NIF3L1: variants seen among roughly 807,000 people sequenced by gnomAD.
The protein encoded by NIF3L1 is NGG1 interacting factor 3 like 1.
NIF3L1 carries 26 observed loss-of-function variants against 35.0 expected under a neutral mutation model. That is an observed-to-expected ratio of 0.74 (90% CI 0.54 to 1.03). NIF3L1 has a LOEUF of 1.03. Ranked by LOEUF, NIF3L1 falls within the 50% of genes least tolerant of loss-of-function variation. The pLI is 0.00. For missense variants in NIF3L1, 449 were observed against 466.3 expected (o/e 0.96, Z 0.34); for synonymous variants, 157 against 178.9 (o/e 0.88, Z 0.98).
chr2:200,896,188 G>C (rs1360257085), intron 4 of NIF3L1, among the ~76,000 whole-genome samples: 1 of 152,084 alleles, frequency 6.6e-6, no homozygotes, highest in Non-Finnish European at 1.5e-5. Context: ...GGCAGTCCAG[G>C]CTCTTTAGCA....
chr2:200,899,315 G>C lies in NIF3L1; in HGVS notation c.866-70G>C, dbSNP rs542195518. On this transcript the variant is annotated intron_variant, in intron 5 of 6. Coordinates refer to ENST00000409020, the MANE Select transcript of NIF3L1 (RefSeq NM_001369441.2). ...AATCTGTATTATGTTTAGGATTCTT[G>C]GTACAAATTATAATAGTAAAATGAA... 1.5e-4 allele frequency: 175 copies of C among 1,183,318 alleles called. 1 individual carries two copies. The African/African-American group carries it at 2.4e-3, about 16-fold the overall frequency. 73.3% of individuals were successfully genotyped at this position (1,183,318 alleles called of 1,614,324 possible). A position where few individuals can be genotyped will look rare whatever the true frequency, so the allele number is the denominator to read the frequency against.
At chr2:200,892,568 T>C (rs774060621) in intron 2 of NIF3L1, among the ~76,000 whole-genome samples, 189 bp downstream of exon 2, 6 of 152,254 alleles carry the variant, frequency 3.9e-5, no homozygotes, top group Non-Finnish European at 8.8e-5. Flanking sequence ...CATTTTTTAT[T>C]CTTATGGAGT....
At chr2:200,902,196 G>C (rs184634781) in intron 6 of NIF3L1, among the ~76,000 whole-genome samples, 3 of 152,124 alleles carry the variant, frequency 2.0e-5, no homozygotes, top group African/African-American at 7.2e-5. Flanking sequence ...ACTTTTTAAA[G>C]AACAAACCTA....
At chr2:200,896,765 G>A (rs1407266884) in intron 4 of NIF3L1, among the ~76,000 whole-genome samples, 5 of 152,058 alleles carry the variant, frequency 3.3e-5, no homozygotes, top group African/African-American at 1.2e-4. Flanking sequence ...GGATTTTTTT[G>A]TGGAGATGAG....
At chr2:200,894,410 T>C (rs1201103442) in intron 3 of NIF3L1, among the ~76,000 whole-genome samples, 1 of 152,026 alleles carries the variant, frequency 6.6e-6, no homozygotes, top group Non-Finnish European at 1.5e-5. Context: ...GAATTTTTTT[T>C]ATTTTTTTGA....
At chr2:200,903,451 T>G in intron 6 of NIF3L1, 43 bp from the exon 7 acceptor site, 1 of 1,515,632 alleles carries the variant, frequency 6.6e-7, no homozygotes, top group Non-Finnish European at 9.2e-7. Flanking sequence ...TTCCACAGAT[T>G]CCATATTTAG....
chr2:200,900,993 A>G (rs2040402631), intron 6 of NIF3L1, among the ~76,000 whole-genome samples: 1 of 152,214 alleles, frequency 6.6e-6, no homozygotes, highest in Non-Finnish European at 1.5e-5. Context: ...TATGTTCTAT[A>G]TATATATTGA....
rs1559351254 is a variant in NIF3L1, at chr2:200,899,481, T to C, written c.949+13T>C. ...CTTTACCTCACAGGTAGGACAGACT[T>C]TGGATCTCTCTTGGTTTATTTTTTG... On this transcript the variant is annotated intron_variant, in intron 6 of 6. Coordinates refer to ENST00000409020, the MANE Select transcript of NIF3L1 (RefSeq NM_001369441.2). 6.2e-7 allele frequency: 1 copy of C among 1,610,424 alleles called. No individual in the cohort carries two copies. The highest frequency in any genetic ancestry group is 1.3e-5 in the African/African-American group (1 of 74,950).
chr2:200,892,040 C>T lies in NIF3L1; in HGVS notation c.97C>T (p.Leu33Phe). ...CCGTTCCTTCATGGATTTGAAGGCT[C>T]TCCTTTCTTCCTTGAATGACTTTGC... ...SSRSFMDLKA[L>F]LSSLNDFASL... The change falls in exon 2 of 7, where the codon CTC becomes TTC. Residue 33 changes from leucine to phenylalanine, a missense_variant. Coordinates refer to ENST00000409020, the MANE Select transcript of NIF3L1 (RefSeq NM_001369441.2). The T allele has an allele frequency of 1.2e-6, 2 of 1,614,178 alleles. No individual in the cohort carries two copies. The highest frequency in any genetic ancestry group is 1.7e-6 in the Non-Finnish European group (2 of 1,180,024).
chr2:200,903,898 A>G lies in NIF3L1; in HGVS notation c.*220A>G, dbSNP rs1470931781. 3 of 550,196 alleles carry G rather than the reference A, an allele frequency of 5.5e-6. No individual in the cohort carries two copies. Among genetic ancestry groups the G allele is most frequent in the South Asian group, 4.1e-5 (2 of 48,868 alleles). 34.1% of individuals were successfully genotyped at this position (550,196 alleles called of 1,614,324 possible). On this transcript the variant is annotated 3_prime_UTR_variant, in exon 7 of 7. Transcript: ENST00000409020. The stretch of plus-strand genomic sequence containing the variant: ...ACAAATGTTCATTATAAACTCTAGG[A>G]AAGATTGAATAAAATCTGTTTACTT...
intron 6 of NIF3L1, among the ~76,000 whole-genome samples, chr2:200,901,746 A>G (rs1470476156): frequency 6.6e-6 from 1 of 152,200 alleles, no homozygotes; most frequent in East Asian, 1.9e-4. Context: ...CCATTTGCTT[A>G]TTCTTTCCCA....
intron 3 of NIF3L1, among the ~76,000 whole-genome samples, chr2:200,894,049 C>T (rs1025817290): frequency 6.6e-6 from 1 of 151,868 alleles, no homozygotes; most frequent in African/African-American, 2.4e-5. Flanking sequence ...TGGCGCATGC[C>T]TGTAATCCCA....
At position 200,903,893 on chromosome 2, in the gene NIF3L1, C is replaced by T; in HGVS notation, c.*215C>T. On this transcript the variant is annotated 3_prime_UTR_variant, in exon 7 of 7. Coordinates refer to ENST00000409020, the MANE Select transcript of NIF3L1 (RefSeq NM_001369441.2). The stretch of plus-strand genomic sequence containing the variant: ...AAATAACAAATGTTCATTATAAACT[C>T]TAGGAAAGATTGAATAAAATCTGTT... 1 of 559,064 alleles carries T rather than the reference C, an allele frequency of 1.8e-6. No homozygotes were observed. Among genetic ancestry groups the T allele is most frequent in the African/African-American group, 1.9e-5 (1 of 53,116 alleles). 34.6% of individuals were successfully genotyped at this position (559,064 alleles called of 1,614,324 possible).
intron 3 of NIF3L1, among the ~76,000 whole-genome samples, chr2:200,894,895 A>G (rs949173268): frequency 5.9e-5 from 9 of 152,064 alleles, no homozygotes; most frequent in African/African-American, 1.7e-4. Flanking sequence ...CTGATGCACA[A>G]TCGGGATTGA....
chr2:200,890,067 A>T (rs1486365777), intron 1 of NIF3L1, among the ~76,000 whole-genome samples: 1 of 152,146 alleles, frequency 6.6e-6, no homozygotes, highest in Admixed American at 6.6e-5. Context: ...CCATTAGAAG[A>T]TCTTTCAAGG....
intron 2 of NIF3L1, 39 bp from the exon 3 acceptor site, chr2:200,893,207 C>G (rs777183868): frequency 1.2e-5 from 17 of 1,439,232 alleles, no homozygotes; most frequent in Non-Finnish European, 1.6e-5. Context: ...TAATCTCTCA[C>G]CCCCCAAAAC....
Position 200,897,127 on chromosome 2 carries a change from G to C in NIF3L1, c.778G>C (p.Val260Leu). 2 of 1,614,022 alleles carry C rather than the reference G, an allele frequency of 1.2e-6. No individual in the cohort carries two copies. The highest frequency in any genetic ancestry group is 1.7e-6 in the Non-Finnish European group (2 of 1,179,920). Reference sequence around the variant, plus strand: ...ACGGTTATGCACACTGGATGAATCTGTCTCCCTGGCAACCATGATTGATCG... The same window carrying C: ...ACGGTTATGCACACTGGATGAATCTCTCTCCCTGGCAACCATGATTGATCG... ...MGRLCTLDES[V>L]SLATMIDRIK... Residue 260 changes from valine (V) to leucine (L), a missense_variant, in exon 5 of 7, where the codon GTC becomes CTC. By Grantham distance (32) the Val-to-Leu change is conservative (BLOSUM62 1). Transcript: ENST00000409020.
At chr2:200,896,433 T>C (rs1360544681) in intron 4 of NIF3L1, among the ~76,000 whole-genome samples, 3 of 152,166 alleles carry the variant, frequency 2.0e-5, no homozygotes, top group Non-Finnish European at 4.4e-5. Context: ...TTTTAAACTC[T>C]TTATTTCCCC....
At chr2:200,895,492 C>T in intron 4 of NIF3L1, 102 bp downstream of exon 4, 2 of 1,117,980 alleles carry the variant, frequency 1.8e-6, no homozygotes, top group Non-Finnish European at 2.6e-6. Context: ...TGAGGTATAC[C>T]TTATTGAGGT....
Sources: allele counts gnomAD v4.1 joint callset (sites outside exome capture counted in the v4.1 genomes callset), GRCh38; gene constraint gnomAD v4.1.1; transcripts MANE v1.5; gene names NCBI Gene and HGNC (gene_info 2026-07-23, HGNC 2026-07-21).